RAP1GAP2: variants seen among roughly 807,000 people sequenced by gnomAD.
RAP1GAP2 encodes the protein rap1 GTPase-activating protein 2.
RAP1GAP2 carries 27 observed loss-of-function variants against 95.0 expected under a neutral mutation model. That is an observed-to-expected ratio of 0.28 (90% confidence interval 0.21 to 0.39). RAP1GAP2 has a LOEUF of 0.39. Among genes scored for constraint, RAP1GAP2 ranks in the 10% least tolerant of loss-of-function variants. The pLI is 1.00. For missense variants in RAP1GAP2, 771 were observed against 970.0 expected (o/e 0.79, Z 2.72); for synonymous variants, 373 against 380.9 (o/e 0.98, Z 0.24).
chr17:2,967,349 C>T (rs866896121), intron 8 of RAP1GAP2, among the ~76,000 whole-genome samples: 13 of 152,082 alleles, frequency 8.5e-5, no homozygotes, highest in Middle Eastern at 3.4e-3. Context: ...CCAGCCTGGG[C>T]GACAGAGTGA....
upstream of RAP1GAP2, among the ~76,000 whole-genome samples, chr17:2,796,211 C>T (rs2069076389): frequency 6.6e-6 from 1 of 152,102 alleles, no homozygotes; most frequent in Non-Finnish European, 1.5e-5. This position sits in a 1 kb window ranked among gnomAD's most constrained non-coding sequence, Gnocchi z 4.7. Flanking sequence ...CTGTGTGGGC[C>T]GGGCTGCTAA....
intron 2 of RAP1GAP2, among the ~76,000 whole-genome samples, chr17:2,850,774 A>G (rs1247905470): frequency 1.4e-5 from 2 of 147,882 alleles, no homozygotes; most frequent in Non-Finnish European, 1.5e-5. Context: ...AAAAAAATTA[A>G]GTAAAGGCCA....
chr17:3,004,088 A>C lies in RAP1GAP2; in HGVS notation c.1201-1281A>C, dbSNP rs766258568. Among the ~76,000 whole-genome samples, 35 of 152,246 alleles carry C rather than the reference A, an allele frequency of 2.3e-4. No individual in the cohort carries two copies. Among genetic ancestry groups the C allele is most frequent in the South Asian group, 4.1e-4 (2 of 4,828 alleles). ...GGTGCCCACGGTCTGCAGTCTCCCCATAGCCTTCCCACACCCCCACCCCTG... is the reference window on the plus strand; with the variant it reads ...GGTGCCCACGGTCTGCAGTCTCCCCCTAGCCTTCCCACACCCCCACCCCTG... On this transcript the variant is annotated intron_variant, in intron 14 of 24. Transcript: ENST00000254695. The surrounding 1 kb of genome is among the most constrained non-coding windows in gnomAD (Gnocchi z 4.1).
Position 2,878,882 on chromosome 17 carries a change from G to A in RAP1GAP2, c.81-26402G>A, listed in dbSNP as rs571013060. Among the ~76,000 whole-genome samples the A allele has an allele frequency of 2.6e-5, 4 of 152,346 alleles. No homozygotes were observed. The East Asian group carries it at 7.7e-4, about 29-fold the overall frequency. The stretch of plus-strand genomic sequence containing the variant: ...AAGGTGCTGCAGCTTGCTGGGCCCC[G>A]GTTTTCTCATCCGTGTGATGGGGTA... On this transcript the variant is annotated intron_variant, in intron 2 of 24. Coordinates refer to ENST00000254695, the MANE Select transcript of RAP1GAP2 (RefSeq NM_015085.5).
chr17:3,019,266 G>A (rs977050304), intron 18 of RAP1GAP2, among the ~76,000 whole-genome samples: 1 of 152,118 alleles, frequency 6.6e-6, no homozygotes, highest in Non-Finnish European at 1.5e-5. Context: ...AAGTGGGCCG[G>A]GCATGGTGGC....
At chr17:2,958,731 G>A (rs1567823381) in intron 4 of RAP1GAP2, among the ~76,000 whole-genome samples, 2 of 152,088 alleles carry the variant, frequency 1.3e-5, no homozygotes, top group Non-Finnish European at 2.9e-5. Context: ...AGGTGCTCCA[G>A]GCTCAAGGGA....
chr17:2,803,645 G>A (rs188972805), intron 2 of RAP1GAP2, among the ~76,000 whole-genome samples: 7 of 152,336 alleles, frequency 4.6e-5, no homozygotes, highest in East Asian at 3.9e-4. Context: ...TTCGGAGGTC[G>A]AGGCACGTGG....
chr17:2,836,438 C>T (rs2071133795), intron 2 of RAP1GAP2, among the ~76,000 whole-genome samples: 2 of 151,936 alleles, frequency 1.3e-5, no homozygotes, highest in Admixed American at 1.3e-4. Flanking sequence ...TCAAGATCAT[C>T]CTGACCAACA....
Position 2,797,721 on chromosome 17 carries a change from G to A in RAP1GAP2, c.44+1150G>A, listed in dbSNP as rs555375678. On this transcript the variant is annotated intron_variant, in intron 1 of 24. Transcript: ENST00000254695. The surrounding 1 kb of genome is among the most constrained non-coding windows in gnomAD (Gnocchi z 5.6). The stretch of plus-strand genomic sequence containing the variant: ...GGTGCGGATGAGAAGATGGCACAGC[G>A]TCGCCTGTGTCTGCTCTCGGGCCCT... 6.4e-4 allele frequency: 633 copies of A among 985,376 alleles called. 2 individuals are homozygous for A. The African/African-American group carries it at 9.9e-3, about 15-fold the overall frequency. The allele number at this position is 985,376 out of a possible 1,614,324, so 61.0% of individuals were successfully genotyped here.
At chr17:2,854,451 C>T (rs1408232396) in intron 2 of RAP1GAP2, among the ~76,000 whole-genome samples, 2 of 152,240 alleles carry the variant, frequency 1.3e-5, no homozygotes, top group African/African-American at 4.8e-5. Context: ...CGGCTCCATG[C>T]GCCGGTGTTG....
At chr17:2,923,333 C>T (rs938416613) in intron 3 of RAP1GAP2, among the ~76,000 whole-genome samples, 9 of 149,162 alleles carry the variant, frequency 6.0e-5, no homozygotes, top group Non-Finnish European at 8.9e-5. Flanking sequence ...CCACCGCGCC[C>T]GGCCTTTTTT....
At chr17:2,960,381 C>T (rs1255123378) in intron 4 of RAP1GAP2, among the ~76,000 whole-genome samples, 1 of 152,170 alleles carries the variant, frequency 6.6e-6, no homozygotes, top group Admixed American at 6.5e-5. Flanking sequence ...CCAGCTGGGA[C>T]AGGGTCTGTA....
chr17:2,928,371 C>A (rs2043034203), intron 3 of RAP1GAP2, among the ~76,000 whole-genome samples: 1 of 152,208 alleles, frequency 6.6e-6, no homozygotes, highest in Admixed American at 6.5e-5. Flanking sequence ...CACGCCACTG[C>A]TTCCATTCCC....
intron 2 of RAP1GAP2, among the ~76,000 whole-genome samples, chr17:2,881,468 C>T (rs763556583): frequency 3.9e-5 from 6 of 152,108 alleles, no homozygotes; most frequent in South Asian, 2.1e-4. Flanking sequence ...AGCACGAATC[C>T]GTAACGGCAC....
At chr17:3,026,565 T>G in intron 21 of RAP1GAP2, 101 bp downstream of exon 21, 1 of 1,023,224 alleles carries the variant, frequency 9.8e-7, no homozygotes. Flanking sequence ...CATGTCAGTC[T>G]TTGCAGAGGA....
intron 1 of RAP1GAP2, among the ~76,000 whole-genome samples, chr17:2,784,456 A>T (rs368743335): frequency 8.0e-4 from 121 of 150,858 alleles, no homozygotes; most frequent in African/African-American, 2.8e-3. Context: ...TTTTTAGTAG[A>T]GACAGGGTCT....
chr17:2,901,242 G>A (rs1299307133), intron 2 of RAP1GAP2, among the ~76,000 whole-genome samples: 1 of 152,146 alleles, frequency 6.6e-6, no homozygotes, highest in Non-Finnish European at 1.5e-5. Flanking sequence ...GTGAGAAGGG[G>A]CAGGGCCTCC....
intron 2 of RAP1GAP2, among the ~76,000 whole-genome samples, chr17:2,894,232 C>G (rs2073814642): frequency 6.6e-6 from 1 of 152,018 alleles, no homozygotes; most frequent in Admixed American, 6.6e-5. Context: ...GGTTTGAGAC[C>G]AGCTTGGCCA....
chr17:2,803,651 C>T (rs1021580866), intron 2 of RAP1GAP2, among the ~76,000 whole-genome samples: 2 of 152,186 alleles, frequency 1.3e-5, no homozygotes, highest in African/African-American at 2.4e-5. Flanking sequence ...GGTCGAGGCA[C>T]GTGGATCATT....
Sources: gnomAD v4.1 joint callset for allele counts (sites outside exome capture counted in the v4.1 genomes callset) on GRCh38, gnomAD v4.1.1 for gene constraint, Gnocchi (gnomAD v3.1) non-coding constraint, MANE v1.5 for transcripts, NCBI Gene and HGNC (gene_info 2026-07-23, HGNC 2026-07-21) for gene names.